Variants in ZNF57 observed in about 807,000 individuals in gnomAD.
The protein encoded by ZNF57 is zinc finger protein 57.
A neutral mutation model predicts 13.4 loss-of-function variants in ZNF57; 11 were observed. That is an observed-to-expected ratio of 0.82 (90% CI 0.52 to 1.36). ZNF57 has a LOEUF of 1.36. Among genes scored for constraint, ZNF57 ranks in the 40% most tolerant of loss-of-function variants. ZNF57 has a pLI of 0.00. For missense variants in ZNF57, 696 were observed against 667.5 expected (o/e 1.04, Z -0.47); for synonymous variants, 224 against 238.5 (o/e 0.94, Z 0.56).
chr19:2,913,124 TTG>T (rs1457328686), intron 1 of ZNF57, among the ~76,000 whole-genome samples: 2 of 152,154 alleles, frequency 1.3e-5, no homozygotes, highest in Non-Finnish European at 2.9e-5. Context: ...CAGCTAATTT[TTG>T]TGTTTTTAGT....
chr19:2,914,189 A>G (rs564740126), intron 1 of ZNF57, among the ~76,000 whole-genome samples: 9 of 152,338 alleles, frequency 5.9e-5, no homozygotes, highest in Admixed American at 6.5e-5. Flanking sequence ...GCTCAACTAA[A>G]AAAGAAAAAA....
At position 2,900,943 on chromosome 19, in the gene ZNF57, G is replaced by A; in HGVS notation, c.-103G>A. On this transcript the variant is annotated 5_prime_UTR_variant, in exon 1 of 4. Transcript: ENST00000306908. ...ACGTTTCGTCCTCCCTGCCGCGCGT[G>A]CCCTGCCTACCACGAGCGGCCCGGG... is the stretch of plus-strand genomic sequence containing the variant. 1 of 1,464,230 alleles carries A rather than the reference G, an allele frequency of 6.8e-7. No homozygotes were observed. The highest frequency in any genetic ancestry group is 2.1e-5 in the Admixed American group (1 of 46,612). 90.7% of individuals were successfully genotyped at this position (1,464,230 alleles called of 1,614,324 possible). A position where few individuals can be genotyped will look rare whatever the true frequency, so the allele number is the denominator to read the frequency against.
chr19:2,900,974 C>A lies in ZNF57; in HGVS notation c.-72C>A. ...CCTACCACGAGCGGCCCGGGAGTACCTGTACCTTTCAGCTGCGCCGGCCGC... is the reference window on the plus strand; with the variant it reads ...CCTACCACGAGCGGCCCGGGAGTACATGTACCTTTCAGCTGCGCCGGCCGC... On this transcript the variant is annotated 5_prime_UTR_variant, in exon 1 of 4. In the 5' UTR this introduces an upstream ATG that the reference lacks. Coordinates refer to ENST00000306908, the MANE Select transcript of ZNF57 (RefSeq NM_173480.3). The A allele has an allele frequency of 6.5e-7, 1 of 1,546,914 alleles. No individual in the cohort carries two copies. Among genetic ancestry groups the A allele is most frequent in the South Asian group, 1.2e-5 (1 of 83,948 alleles).
At chr19:2,902,293 G>T (rs1319130088) in intron 1 of ZNF57, among the ~76,000 whole-genome samples, 1 of 152,064 alleles carries the variant, frequency 6.6e-6, no homozygotes, top group African/African-American at 2.4e-5. Context: ...AGCTTTATTC[G>T]GGCAGCCGGT....
chr19:2,912,946 C>T (rs1599601861), intron 1 of ZNF57, among the ~76,000 whole-genome samples: 1 of 152,200 alleles, frequency 6.6e-6, no homozygotes, highest in African/African-American at 2.4e-5. Context: ...TGTCTATTTA[C>T]ATCCTTTCCC....
In ZNF57 at chr19:2,918,317, A is replaced by G; in HGVS notation, c.*28A>G. On this transcript the variant is annotated 3_prime_UTR_variant, in exon 4 of 4. Coordinates refer to ENST00000306908, the MANE Select transcript of ZNF57 (RefSeq NM_173480.3). ...AGAAATTCTATAACTTTAATGGGGT[A>G]ACCTCACATTAATTCATGTATAATG... 2 of 1,549,190 alleles carry G rather than the reference A, an allele frequency of 1.3e-6. No homozygotes were observed. The highest frequency in any genetic ancestry group is 2.0e-5 in the Admixed American group (1 of 50,240).
In ZNF57 at chr19:2,916,946, T is replaced by G; in HGVS notation, c.325T>G (p.Cys109Gly). 7 of 1,603,082 alleles carry G rather than the reference T, an allele frequency of 4.4e-6. No homozygotes were observed. Among genetic ancestry groups the G allele is most frequent in the Non-Finnish European group, 6.0e-6 (7 of 1,175,068 alleles). ...CAGAAATCATATGGTGGACAGATTC[T>G]GTACACATAATGAAGGTAATCAATA... ...NLRNHMVDRF[C>G]THNEGNQYGE... Residue 109 changes from cysteine (C) to glycine (G), a missense_variant, in exon 4 of 4, where the codon TGT (cysteine) becomes GGT (glycine). By Grantham distance (159) the Cys-to-Gly change is radical. Around this residue, in one of 3 missense-constraint regions of ZNF57, gnomAD observed 645 missense variants for 591.5 expected, o/e 1.09. Transcript: ENST00000306908.
In ZNF57 at chr19:2,900,954, C is replaced by G. The variant is rs1400947875; in HGVS notation, c.-92C>G. ...TCCCTGCCGCGCGTGCCCTGCCTAC[C>G]ACGAGCGGCCCGGGAGTACCTGTAC... On this transcript the variant is annotated 5_prime_UTR_variant, in exon 1 of 4. Transcript: ENST00000306908. 2 of 1,513,686 alleles carry G rather than the reference C, an allele frequency of 1.3e-6. No individual in the cohort carries two copies. The highest frequency in any genetic ancestry group is 2.6e-5 in the East Asian group (1 of 38,848). The allele number at this position is 1,513,686 out of a possible 1,614,324, so 93.8% of individuals were successfully genotyped here.
chr19:2,901,896 G>T (rs1384105474), intron 1 of ZNF57, among the ~76,000 whole-genome samples: 1 of 152,104 alleles, frequency 6.6e-6, no homozygotes, highest in African/African-American at 2.4e-5. Flanking sequence ...GTGTTACAAA[G>T]TACATTCTCA....
intron 1 of ZNF57, among the ~76,000 whole-genome samples, chr19:2,901,679 C>A (rs2088031479): frequency 6.6e-6 from 1 of 152,086 alleles, no homozygotes; most frequent in Non-Finnish European, 1.5e-5. Flanking sequence ...CGCCCTCACG[C>A]CCGGCTAATT....
At chr19:2,916,888 C>CA (rs1174977819) in intron 3 of ZNF57, 36 bp from the exon 4 acceptor site, 1 of 1,513,254 alleles carries the variant, frequency 6.6e-7, no homozygotes, top group African/African-American at 1.4e-5. Context: ...CATTACTAAA[C>CA]ATACCATACA....
Position 2,911,743 on chromosome 19 carries a change from T to TA in ZNF57, c.4-3778dup, listed in dbSNP as rs2088139010. ...AGTCTTTCCTCAGCCACACCCAGTC[T>TA]ACTCATGTGTCCATTAAAGTCATTC... On this transcript the variant is annotated intron_variant, in intron 1 of 3. Coordinates refer to ENST00000306908, the MANE Select transcript of ZNF57 (RefSeq NM_173480.3). Among the ~76,000 whole-genome samples, 8 of 152,306 alleles carry TA rather than the reference T, an allele frequency of 5.3e-5. No homozygotes were observed. The South Asian group carries it at 1.7e-3, about 32-fold the overall frequency.
chr19:2,917,344 A>G lies in ZNF57; in HGVS notation c.723A>G (p.Arg241=). 6.2e-7 allele frequency: 1 copy of G among 1,614,214 alleles called. No homozygotes were observed. Among genetic ancestry groups the G allele is most frequent in the Non-Finnish European group, 8.5e-7 (1 of 1,180,042 alleles). ...TTAATGGGTTCGCAAGCTTCACTAG[A>G]CATGTGAGAACTCACACAAAAGACA... The part of the protein sequence containing the change: ...MAFNGFASFT[R]HVRTHTKDRP... Residue 241 remains arginine (R), a synonymous_variant, in exon 4 of 4, where the codon AGA becomes AGG. Coordinates refer to ENST00000306908, the MANE Select transcript of ZNF57 (RefSeq NM_173480.3).
intron 1 of ZNF57, chr19:2,915,260 A>G: frequency 3.0e-6 from 1 of 329,426 alleles, no homozygotes; most frequent in Non-Finnish European, 5.6e-6. Context: ...AAGTTACTTC[A>G]TTTGCATAGC....
chr19:2,904,480 C>G (rs2088056281), intron 1 of ZNF57, among the ~76,000 whole-genome samples: 1 of 152,012 alleles, frequency 6.6e-6, no homozygotes, highest in African/African-American at 2.4e-5. Flanking sequence ...TAGCTGAGAC[C>G]ACAGGTGTGC....
intron 1 of ZNF57, among the ~76,000 whole-genome samples, chr19:2,914,691 G>A (rs919112920): frequency 6.6e-6 from 1 of 152,100 alleles, no homozygotes; most frequent in Admixed American, 6.6e-5. Flanking sequence ...TATATTCATC[G>A]CTCGATTCCA....
In ZNF57 at chr19:2,917,225, G is replaced by C; in HGVS notation, c.604G>C (p.Gly202Arg). The change falls in exon 4 of 4, where the codon GGG becomes CGG. Residue 202 changes from glycine (G) to arginine (R), a missense_variant. Physicochemically the swap from Gly to Arg is moderately radical, Grantham distance 125. Coordinates refer to ENST00000306908, the MANE Select transcript of ZNF57 (RefSeq NM_173480.3). ...EEKPYKCQAC[G>R]QTFQHPRYLS... ...GAAGCCGTATAAGTGTCAAGCATGT[G>C]GGCAAACTTTCCAACATCCTCGTTA... The C allele has an allele frequency of 6.2e-7, 1 of 1,614,156 alleles. No homozygotes were observed. Among genetic ancestry groups the C allele is most frequent in the Non-Finnish European group, 8.5e-7 (1 of 1,180,008 alleles).
chr19:2,905,089 T>A (rs2088061012), intron 1 of ZNF57, among the ~76,000 whole-genome samples: 1 of 152,190 alleles, frequency 6.6e-6, no homozygotes, highest in Non-Finnish European at 1.5e-5. Flanking sequence ...TGTCATATAT[T>A]CATGCACCAT....
intron 1 of ZNF57, among the ~76,000 whole-genome samples, chr19:2,908,586 AT>A (rs1243901000): frequency 1.3e-5 from 2 of 151,030 alleles, no homozygotes; most frequent in African/African-American, 4.9e-5. Flanking sequence ...CGCCCGGCTA[AT>A]TTTTTGCATT....
Sources: gnomAD v4.1 joint callset for allele counts (sites outside exome capture counted in the v4.1 genomes callset) on GRCh38, gnomAD v4.1.1 for gene constraint, gnomAD v4.1.1 regional missense constraint, MANE v1.5 for transcripts, NCBI Gene and HGNC (gene_info 2026-07-23, HGNC 2026-07-21) for gene names.